PTPRG: variants seen among roughly 807,000 people sequenced by gnomAD.
PTPRG encodes the protein protein tyrosine phosphatase receptor type G, also known as receptor-type tyrosine-protein phosphatase gamma.
In PTPRG, 102 loss-of-function variants were observed where a neutral mutation model predicts 165.3. The observed-to-expected ratio is 0.62, with a 90% CI of 0.53 to 0.73. The LOEUF (loss-of-function observed/expected upper bound fraction) is 0.73. Among genes scored for constraint, PTPRG ranks in the 30% least tolerant of loss-of-function variants. PTPRG has a pLI of 0.00. For synonymous variants in PTPRG, 675 were observed against 669.5 expected (o/e 1.01, Z -0.13); for missense variants, 1,866 against 1,861.4 (o/e 1.00, Z -0.05).
At position 61,717,650 on chromosome 3, in the gene PTPRG, G is replaced by C. The variant is rs191407915; in HGVS notation, c.86-31228G>C. On this transcript the variant is annotated intron_variant, in intron 1 of 29. Coordinates refer to ENST00000474889, the MANE Select transcript of PTPRG (RefSeq NM_002841.4). ...AAAATACAAAAAAAATTAGCTGGGC[G>C]TGGTGGTTTGTGCCTATAGTCCCAG... 2.7e-4 allele frequency among the ~76,000 whole-genome samples: 41 copies of C among 152,216 alleles called. No homozygotes were observed. The East Asian group carries it at 4.3e-3, about 16-fold the overall frequency.
chr3:61,774,721 A>C (rs2034315661), intron 2 of PTPRG, among the ~76,000 whole-genome samples: 1 of 152,246 alleles, frequency 6.6e-6, no homozygotes, highest in Admixed American at 6.5e-5. Flanking sequence ...GCATGCAGGC[A>C]GCAGGGAGTG....
intron 1 of PTPRG, among the ~76,000 whole-genome samples, chr3:61,576,767 G>C (rs1480722726): frequency 6.6e-6 from 1 of 152,108 alleles, no homozygotes; most frequent in Non-Finnish European, 1.5e-5. Flanking sequence ...CCATAAAATT[G>C]ATTTGAACTT....
intron 5 of PTPRG, among the ~76,000 whole-genome samples, chr3:62,079,920 AATAGTATGCATCT>A (rs911580306): frequency 6.6e-6 from 1 of 152,228 alleles, no homozygotes; most frequent in African/African-American, 2.4e-5. Flanking sequence ...GAAATTCCCA[AATAGTATGCATCT>A]ATAGCCCTCC....
chr3:62,048,554 TC>T (rs1338100853), intron 4 of PTPRG, among the ~76,000 whole-genome samples: 2 of 152,242 alleles, frequency 1.3e-5, no homozygotes, highest in African/African-American at 4.8e-5. Flanking sequence ...TGTAGGGTTA[TC>T]CACCAGAAGG....
At chr3:62,143,976 T>C (rs73096584) in intron 6 of PTPRG, among the ~76,000 whole-genome samples, 14,573 of 152,264 alleles carry the variant, frequency 0.096, 999 homozygotes, top group East Asian at 0.36. Context: ...ATGTGTTCAG[T>C]GCCCTCTAAA....
intron 28 of PTPRG, among the ~76,000 whole-genome samples, chr3:62,289,385 G>A (rs181750382): frequency 6.6e-6 from 1 of 152,270 alleles, no homozygotes; most frequent in African/African-American, 2.4e-5. Flanking sequence ...GGCTACATAT[G>A]AACAGTAACA....
intron 3 of PTPRG, 55 bp from the exon 4 acceptor site, chr3:62,003,294 C>T (rs1199862448): frequency 6.4e-7 from 1 of 1,563,508 alleles, no homozygotes. Flanking sequence ...CAGAAAAACT[C>T]CATTTGGTTT....
At chr3:62,282,691 A>C in intron 27 of PTPRG, 36 bp from the exon 28 acceptor site, 6 of 1,574,628 alleles carry the variant, frequency 3.8e-6, no homozygotes, top group Non-Finnish European at 5.2e-6. Context: ...ATGTGAAATA[A>C]AGGAAGGGAT....
chr3:62,035,230 A>G (rs1191435181), intron 4 of PTPRG, among the ~76,000 whole-genome samples: 3 of 152,228 alleles, frequency 2.0e-5, no homozygotes, highest in Non-Finnish European at 4.4e-5. Flanking sequence ...AGAAGAAAGT[A>G]ACATGAATTC....
chr3:61,616,186 A>G lies in PTPRG; in HGVS notation c.85+53814A>G, dbSNP rs1239232754. On this transcript the variant is annotated intron_variant, in intron 1 of 29. Coordinates refer to ENST00000474889, the MANE Select transcript of PTPRG (RefSeq NM_002841.4). Reference sequence around the variant, plus strand: ...ACCTTGGTCTTGAACTCCTGCCCTCAGGTCATCTGCCCACCTTGGCCTCCC... The same window carrying G: ...ACCTTGGTCTTGAACTCCTGCCCTCGGGTCATCTGCCCACCTTGGCCTCCC... Among the ~76,000 whole-genome samples, 3 of 152,162 alleles carry G rather than the reference A, an allele frequency of 2.0e-5. No individual in the cohort carries two copies. In the East Asian group the frequency reaches 5.8e-4, roughly 29 times the overall value.
intron 1 of PTPRG, among the ~76,000 whole-genome samples, chr3:61,653,227 G>C (rs1575565577): frequency 2.6e-5 from 4 of 151,942 alleles, no homozygotes; most frequent in Admixed American, 2.6e-4. Flanking sequence ...GTACATATAG[G>C]GTTAGTCAAG....
At chr3:62,257,212 A>G (rs1209370479) in intron 16 of PTPRG, among the ~76,000 whole-genome samples, 1 of 152,198 alleles carries the variant, frequency 6.6e-6, no homozygotes, top group Non-Finnish European at 1.5e-5. Flanking sequence ...TTAGGTGAAA[A>G]TTTGAAGTAC....
intron 2 of PTPRG, among the ~76,000 whole-genome samples, chr3:61,848,971 G>T (rs555933374): frequency 1.2e-3 from 185 of 152,322 alleles, no homozygotes; most frequent in African/African-American, 4.0e-3. Flanking sequence ...CACAGCAAAA[G>T]TTCCTTCCCG....
chr3:61,940,616 G>T (rs2039597081), intron 2 of PTPRG, among the ~76,000 whole-genome samples: 1 of 151,510 alleles, frequency 6.6e-6, no homozygotes, highest in Non-Finnish European at 1.5e-5. Context: ...TTTTATTCTG[G>T]TTTTTATTGA....
At chr3:61,801,229 A>G (rs947533585) in intron 2 of PTPRG, among the ~76,000 whole-genome samples, 1 of 152,122 alleles carries the variant, frequency 6.6e-6, no homozygotes, top group Non-Finnish European at 1.5e-5. Flanking sequence ...CCAGTGGTCT[A>G]TGCACACAGA....
intron 1 of PTPRG, among the ~76,000 whole-genome samples, chr3:61,716,252 A>T (rs2031802942): frequency 6.6e-6 from 1 of 152,132 alleles, no homozygotes; most frequent in African/African-American, 2.4e-5. Context: ...CTGAAGTGCT[A>T]TTTTGTGGTA....
intron 1 of PTPRG, among the ~76,000 whole-genome samples, chr3:61,563,141 GGGC>G (rs1225563606): frequency 0.011 from 174 of 16,252 alleles, 1 homozygote; most frequent in African/African-American, 0.02. Flanking sequence ...GAGGGGGCGG[GGGC>G]GGTTTCGGCG....
intron 6 of PTPRG, among the ~76,000 whole-genome samples, chr3:62,142,828 G>T (rs754924653): frequency 6.6e-6 from 1 of 152,138 alleles, no homozygotes; most frequent in Non-Finnish European, 1.5e-5. Context: ...CACAAAGGGC[G>T]CCTCACTGCT....
intron 28 of PTPRG, among the ~76,000 whole-genome samples, chr3:62,285,742 G>A (rs1702628872): frequency 6.6e-6 from 1 of 151,872 alleles, no homozygotes; most frequent in African/African-American, 2.4e-5. Flanking sequence ...AAAAACAGCT[G>A]GGTTCCCATA....
Sources: gnomAD v4.1 joint callset for allele counts (sites outside exome capture counted in the v4.1 genomes callset) on GRCh38, gnomAD v4.1.1 for gene constraint, MANE v1.5 for transcripts, NCBI Gene and HGNC (gene_info 2026-07-23, HGNC 2026-07-21) for gene names.